CDH7: variants seen among roughly 807,000 people sequenced by gnomAD.
The protein encoded by CDH7 is cadherin-7.
Under a neutral mutation model 71.8 loss-of-function variants are expected in CDH7, and 25 were observed. That is an observed-to-expected ratio of 0.35 (90% CI 0.25 to 0.49). CDH7 has a LOEUF of 0.49. CDH7 is among the 20% of genes least tolerant of loss of function. The probability of loss-of-function intolerance (pLI) is 0.99; values close to 1 mark genes in which losing one functional copy is unlikely to be tolerated. For missense variants in CDH7, 862 were observed against 974.6 expected, an observed-to-expected ratio of 0.88 and a Z score of 1.54; for synonymous variants, 381 against 363.8, an observed-to-expected ratio of 1.05 and a Z score of -0.54.
rs1285342522 is a variant in CDH7, at chr18:65,811,019, A to G, written c.505+1021A>G. ...TTGGAATAGTTTACAGCAAGTATGT[A>G]ATTTAAGCATAGGAAATCTTATAAA... On this transcript the variant is annotated intron_variant, in intron 3 of 11. Coordinates refer to ENST00000397968, the MANE Select transcript of CDH7 (RefSeq NM_004361.5). Among the ~76,000 whole-genome samples the G allele has an allele frequency of 2.4e-4, 36 of 152,134 alleles. 1 individual carries two copies. Among genetic ancestry groups the G allele is most frequent in the Admixed American group, 2.2e-3 (34 of 15,276 alleles).
At chr18:65,844,908 G>T (rs952269220) in intron 7 of CDH7, among the ~76,000 whole-genome samples, 1 of 151,900 alleles carries the variant, frequency 6.6e-6, no homozygotes, top group Non-Finnish European at 1.5e-5. Context: ...AGACTATAAC[G>T]TAAAAATAAA....
At chr18:65,839,961 CAAA>C (rs1465415395) in intron 6 of CDH7, among the ~76,000 whole-genome samples, 1 of 151,994 alleles carries the variant, frequency 6.6e-6, no homozygotes, top group Non-Finnish European at 1.5e-5. Context: ...TGGAAAAACT[CAAA>C]ACAAGAAAAA....
chr18:65,812,059 C>T (rs1911563131), intron 3 of CDH7, among the ~76,000 whole-genome samples: 1 of 149,250 alleles, frequency 6.7e-6, no homozygotes, highest in Non-Finnish European at 1.5e-5. Flanking sequence ...ACCTCCACCT[C>T]CCGAGTTCAA....
chr18:65,762,319 A>G (rs1916214576), intron 1 of CDH7, among the ~76,000 whole-genome samples: 1 of 152,222 alleles, frequency 6.6e-6, no homozygotes, highest in Non-Finnish European at 1.5e-5. Context: ...TAACATTAAA[A>G]TGATTTTTAA....
chr18:65,782,785 A>C (rs1910361671), intron 2 of CDH7, among the ~76,000 whole-genome samples: 1 of 152,218 alleles, frequency 6.6e-6, no homozygotes. Flanking sequence ...CACAGACAAC[A>C]CACTATAACT....
chr18:65,857,322 TAA>T (rs1913397157), intron 7 of CDH7, among the ~76,000 whole-genome samples: 2 of 22,086 alleles, frequency 9.1e-5, no homozygotes, highest in African/African-American at 2.6e-4. Flanking sequence ...GCATCTATAA[TAA>T]TAATAATAAT....
At chr18:65,816,516 G>A (rs184102661) in intron 4 of CDH7, among the ~76,000 whole-genome samples, 1 of 152,182 alleles carries the variant, frequency 6.6e-6, no homozygotes, top group East Asian at 1.9e-4. Flanking sequence ...GTAAAATTTT[G>A]ACAGGAAAAA....
intron 2 of CDH7, among the ~76,000 whole-genome samples, chr18:65,768,922 T>C (rs1916461043): frequency 6.6e-6 from 1 of 152,198 alleles, no homozygotes; most frequent in South Asian, 2.1e-4. Flanking sequence ...CTGTGTTTAC[T>C]TTCTTCTTTT....
At chr18:65,822,284 C>T (rs1336366686) in intron 5 of CDH7, 36 bp downstream of exon 5, 3 of 1,550,012 alleles carry the variant, frequency 1.9e-6, no homozygotes, top group Non-Finnish European at 1.8e-6. Context: ...AGTGCAATAA[C>T]TTTCCCTGAA....
In CDH7 at chr18:65,880,941, A is replaced by G. The variant is rs1419105943; in HGVS notation, c.*47A>G. On this transcript the variant is annotated 3_prime_UTR_variant, in exon 12 of 12. Transcript: ENST00000397968. ...TGTACTGAAGAAAAAGTAACAGCAA[A>G]AAATAAAATAAAATGAAATAAAATA... The G allele has an allele frequency of 6.6e-7, 1 of 1,506,176 alleles. No homozygotes were observed. The highest frequency in any genetic ancestry group is 1.4e-5 in the African/African-American group (1 of 71,268). The allele number at this position is 1,506,176 out of a possible 1,614,324, so 93.3% of individuals were successfully genotyped here.
chr18:65,751,789 C>T (rs941359973), intron 1 of CDH7, among the ~76,000 whole-genome samples: 1 of 152,204 alleles, frequency 6.6e-6, no homozygotes, highest in African/African-American at 2.4e-5. Flanking sequence ...GGGCGCCCTG[C>T]TTCTCTGAAT....
At chr18:65,772,722 A>G (rs1055269748) in intron 2 of CDH7, among the ~76,000 whole-genome samples, 9 of 152,166 alleles carry the variant, frequency 5.9e-5, no homozygotes, top group African/African-American at 2.2e-4. Context: ...TACAAGTTTA[A>G]TATCTAATGA....
chr18:65,854,236 G>A (rs1913266218), intron 7 of CDH7, among the ~76,000 whole-genome samples: 1 of 151,778 alleles, frequency 6.6e-6, no homozygotes, highest in East Asian at 1.9e-4. Flanking sequence ...AGCCTGAGAG[G>A]TTGAGGCTGT....
intron 11 of CDH7, among the ~76,000 whole-genome samples, chr18:65,875,238 A>G (rs972929121): frequency 1.2e-4 from 18 of 152,176 alleles, no homozygotes; most frequent in African/African-American, 4.3e-4. Context: ...AGGATATGAC[A>G]GTTCATAATA....
intron 2 of CDH7, among the ~76,000 whole-genome samples, chr18:65,773,108 A>G (rs1033574148): frequency 4.6e-5 from 7 of 152,082 alleles, no homozygotes; most frequent in Non-Finnish European, 7.3e-5. Flanking sequence ...CATGTGTGTA[A>G]GGAGTAGAAA....
chr18:65,781,844 T>TCTCTCTCTCTCTCTCTGTCTCTC (rs1910233851), intron 2 of CDH7, among the ~76,000 whole-genome samples: 2 of 98,358 alleles, frequency 2.0e-5, no homozygotes, highest in African/African-American at 1.3e-4. Context: ...CTTTCTTTCT[T>TCTCTCTCTCTCTCTCTGTCTCTC]TCTTTCTTTC....
intron 2 of CDH7, among the ~76,000 whole-genome samples, chr18:65,801,273 A>G (rs1242896090): frequency 6.6e-6 from 1 of 152,202 alleles, no homozygotes; most frequent in Non-Finnish European, 1.5e-5. Flanking sequence ...GCTAGATTCA[A>G]TTTATCAGGA....
chr18:65,863,529 G>A (rs749213971), intron 11 of CDH7: 7 of 156,112 alleles, frequency 4.5e-5, no homozygotes, highest in Non-Finnish European at 8.5e-5. Flanking sequence ...CTTTGCTTTA[G>A]AGCACTCTAC....
chr18:65,880,066 T>C (rs1273444873), intron 11 of CDH7, among the ~76,000 whole-genome samples: 5 of 152,212 alleles, frequency 3.3e-5, no homozygotes, highest in African/African-American at 1.2e-4. Flanking sequence ...AAAAAATCCC[T>C]TTGTGTTTCC....
Sources: gnomAD v4.1 joint callset for allele counts (sites outside exome capture counted in the v4.1 genomes callset) on GRCh38, gnomAD v4.1.1 for gene constraint, MANE v1.5 for transcripts, NCBI Gene and HGNC (gene_info 2026-07-23, HGNC 2026-07-21) for gene names.